The following AEN variants were observed in gnomAD, a reference collection of about 807,000 sequenced individuals.
AEN encodes apoptosis-enhancing nuclease.
In AEN, 21 loss-of-function variants were observed where a neutral mutation model predicts 17.7. The observed-to-expected ratio is 1.19, with a 90% CI of 0.84 to 1.71. The LOEUF is 1.71. Ranked by LOEUF, AEN falls within the 40% of genes most tolerant of loss-of-function variation. The pLI, the probability that AEN is intolerant of heterozygous loss-of-function variation, is 0.00. For missense variants in AEN, 462 were observed against 435.9 expected (o/e 1.06, Z -0.53); for synonymous variants, 190 against 173.0 (o/e 1.10, Z -0.77).
At chr15:88,626,879 T>G in intron 2 of AEN, 130 bp downstream of exon 2, 1 of 1,007,734 alleles carries the variant, frequency 9.9e-7, no homozygotes. Flanking sequence ...CTCCAAACAG[T>G]AGGTTCCTTC....
At chr15:88,618,303 G>A (rs1389364957), upstream of AEN, among the ~76,000 whole-genome samples, 5 of 151,924 alleles carry the variant, frequency 3.3e-5, no homozygotes, top group Non-Finnish European at 4.4e-5. Flanking sequence ...ATATTTTCAT[G>A]CTTGGTAATA....
At chr15:88,612,711 G>A in the AEN span, among the ~76,000 whole-genome samples, 1 of 151,702 alleles carries the variant, frequency 6.6e-6, no homozygotes, top group Non-Finnish European at 1.5e-5. Context: ...AGTGATTCTT[G>A]TGCCTCAGCC....
the AEN span, among the ~76,000 whole-genome samples, chr15:88,616,073 G>A: frequency 2.0e-5 from 3 of 150,578 alleles, no homozygotes; most frequent in African/African-American, 4.8e-5. Flanking sequence ...AGGAGCCCTC[G>A]TCTTTGTGGA....
chr15:88,614,549 C>T, the AEN span, among the ~76,000 whole-genome samples: 1 of 152,270 alleles, frequency 6.6e-6, no homozygotes, highest in Non-Finnish European at 1.5e-5. Context: ...AACACAAAAA[C>T]CTCGGCGATA....
At chr15:88,626,107 C>T (rs1452191003) in intron 1 of AEN, 39 bp from the exon 2 acceptor site, 4 of 1,347,510 alleles carry the variant, frequency 3.0e-6, no homozygotes, top group Non-Finnish European at 2.0e-6. Flanking sequence ...GCCTGGCACA[C>T]TCTCACCCAG....
the AEN span, among the ~76,000 whole-genome samples, chr15:88,614,895 T>G: frequency 1.0e-3 from 158 of 152,230 alleles, no homozygotes; most frequent in African/African-American, 3.6e-3. Flanking sequence ...TGTTGTTTTG[T>G]TTTGTTTTGT....
the AEN span, among the ~76,000 whole-genome samples, chr15:88,616,184 C>T: frequency 5.9e-5 from 9 of 152,114 alleles, no homozygotes; most frequent in Admixed American, 1.3e-4. Context: ...ACCTCTGCCT[C>T]CCGGGTTCAA....
Position 88,630,387 on chromosome 15 carries a change from G to A in AEN, c.*93G>A, listed in dbSNP as rs996072467. 1 of 1,274,372 alleles carries A rather than the reference G, an allele frequency of 7.8e-7. No individual in the cohort carries two copies. Among genetic ancestry groups the A allele is most frequent in the Admixed American group, 2.1e-5 (1 of 47,024 alleles). 78.9% of individuals were successfully genotyped at this position (1,274,372 alleles called of 1,614,324 possible). A position where few individuals can be genotyped will look rare whatever the true frequency, so the allele number is the denominator to read the frequency against. On this transcript the variant is annotated 3_prime_UTR_variant, in exon 4 of 4. Coordinates refer to ENST00000332810, the MANE Select transcript of AEN (RefSeq NM_022767.4). This position sits in a 1 kb window ranked among gnomAD's most constrained non-coding sequence, Gnocchi z 5.1. ...CGGGCACTCCTTCCTGGGCAGGGTG[G>A]GGCAGGATGCAGTGAGCCAGCCCCA...
At position 88,630,325 on chromosome 15, in the gene AEN, C is replaced by G; in HGVS notation, c.*31C>G. On this transcript the variant is annotated 3_prime_UTR_variant, in exon 4 of 4. Coordinates refer to ENST00000332810, the MANE Select transcript of AEN (RefSeq NM_022767.4). This position sits in a 1 kb window ranked among gnomAD's most constrained non-coding sequence, Gnocchi z 5.1. ...GGGCGGGGCTCCCTGGCTGGGCTTC[C>G]GGTGTGGCCGGTAGGAAGTGGGGGC... 1 of 1,547,284 alleles carries G rather than the reference C, an allele frequency of 6.5e-7. No individual in the cohort carries two copies. Among genetic ancestry groups the G allele is most frequent in the Non-Finnish European group, 8.7e-7 (1 of 1,143,168 alleles).
chr15:88,625,256 A>G (rs1412198225), intron 1 of AEN, among the ~76,000 whole-genome samples: 2 of 152,346 alleles, frequency 1.3e-5, no homozygotes, highest in East Asian at 3.9e-4. Flanking sequence ...ACGGTGGCTC[A>G]TACTTATAAT....
Position 88,626,464 on chromosome 15 carries a change from G to T in AEN, c.255G>T (p.Arg85Ser). ...EAASSGKQCL[R>S]AGSGSAPCSR... ...CCAGCAGTGGGAAGCAGTGTCTGAG[G>T]GCTGGATCTGGCAGTGCCCCATGCA... The change falls in exon 2 of 4, where the codon AGG (arginine) becomes AGT (serine). Residue 85 changes from arginine (R) to serine (S), a missense_variant. Physicochemically the swap from Arg to Ser is moderately radical, Grantham distance 110 (BLOSUM62 -1). Coordinates refer to ENST00000332810, the MANE Select transcript of AEN (RefSeq NM_022767.4). 3 of 1,613,984 alleles carry T rather than the reference G, an allele frequency of 1.9e-6. No individual in the cohort carries two copies. Among genetic ancestry groups the T allele is most frequent in the Non-Finnish European group, 1.7e-6 (2 of 1,180,010 alleles).
chr15:88,615,273 G>T, the AEN span, among the ~76,000 whole-genome samples: 3 of 152,162 alleles, frequency 2.0e-5, no homozygotes, highest in Non-Finnish European at 2.9e-5. Context: ...GCAAGGAACG[G>T]CAGAGAATAA....
chr15:88,629,442 G>C lies in AEN; in HGVS notation c.741+16G>C, dbSNP rs1448972754. ...GAAGATCCAGGTGCGTGGTGGGAGAGTGGCTGGAAGGGAGGGAGGCCCGCC... is the reference window on the plus strand; with the variant it reads ...GAAGATCCAGGTGCGTGGTGGGAGACTGGCTGGAAGGGAGGGAGGCCCGCC... On this transcript the variant is annotated intron_variant, in intron 3 of 3. Transcript: ENST00000332810. 2 of 1,609,646 alleles carry C rather than the reference G, an allele frequency of 1.2e-6. No homozygotes were observed. Among genetic ancestry groups the C allele is most frequent in the East Asian group, 4.5e-5 (2 of 44,754 alleles).
Position 88,630,643 on chromosome 15 carries a change from C to T in AEN, c.*349C>T, listed in dbSNP as rs1201672385. 9.6e-6 allele frequency: 3 copies of T among 312,178 alleles called. No individual in the cohort carries two copies. The highest frequency in any genetic ancestry group is 6.4e-5 in the African/African-American group (3 of 47,146). The allele number at this position is 312,178 out of a possible 1,614,324, so 19.3% of individuals were successfully genotyped here. ...TGGCCTTCCCCACCCCCCAGATCTC[C>T]TGAGTCATCATGCTGTGCTAATGAA... On this transcript the variant is annotated 3_prime_UTR_variant, in exon 4 of 4. Transcript: ENST00000332810. This position sits in a 1 kb window ranked among gnomAD's most constrained non-coding sequence, Gnocchi z 5.1.
In AEN at chr15:88,622,619, AAACAG is replaced by A. The variant is rs112955650; in HGVS notation, c.-65+1252_-65+1256del. Among the ~76,000 whole-genome samples the A allele has an allele frequency of 1.9e-3, 293 of 152,202 alleles. 2 individuals are homozygous for A. The highest frequency in any genetic ancestry group is 6.5e-3 in the African/African-American group (270 of 41,492). The stretch of plus-strand genomic sequence containing the variant: ...ACTGCATGCACCGGTAGTCAGAGTG[AAACAG>A]AACAGAACAGAACAAGAGATTTCAC... On this transcript the variant is annotated intron_variant, in intron 1 of 3. Transcript: ENST00000332810.
At chr15:88,619,832 T>C (rs937418490), upstream of AEN, among the ~76,000 whole-genome samples, 5 of 152,184 alleles carry the variant, frequency 3.3e-5, 1 homozygote, top group Admixed American at 3.3e-4. Context: ...TTTGAATCTG[T>C]CATTTCAAAT....
At chr15:88,617,300 C>A (rs1259805960), upstream of AEN, among the ~76,000 whole-genome samples, 1 of 152,178 alleles carries the variant, frequency 6.6e-6, no homozygotes, top group Non-Finnish European at 1.5e-5. Flanking sequence ...GTTGCCCAGG[C>A]TGGAGGGCAG....
At chr15:88,619,159 C>T (rs1453026615), upstream of AEN, among the ~76,000 whole-genome samples, 4 of 152,190 alleles carry the variant, frequency 2.6e-5, no homozygotes, top group South Asian at 2.1e-4. Flanking sequence ...TTTCTTGCCC[C>T]GTCCTCAACA....
chr15:88,608,341 C>A, the AEN span: 1 of 276,064 alleles, frequency 3.6e-6, no homozygotes. Context: ...ACATTTTTTA[C>A]CTACCTATTC....
Sources: gnomAD v4.1 joint callset for allele counts (sites outside exome capture counted in the v4.1 genomes callset) on GRCh38, gnomAD v4.1.1 for gene constraint, Gnocchi (gnomAD v3.1) non-coding constraint, MANE v1.5 for transcripts, NCBI Gene and HGNC (gene_info 2026-07-23, HGNC 2026-07-21) for gene names.